Variants in NPAS2 observed in about 807,000 individuals in gnomAD.
NPAS2 encodes the protein neuronal PAS domain protein 2.
A neutral mutation model predicts 107.5 loss-of-function variants in NPAS2; 23 were observed. The observed-to-expected ratio is 0.21, with a 90% confidence interval of 0.15 to 0.30. NPAS2 has a LOEUF of 0.30. Ranked by LOEUF, NPAS2 falls within the 10% of genes least tolerant of loss-of-function variation. The pLI is 1.00. For missense variants in NPAS2, 756 were observed against 1,043.3 expected, an observed-to-expected ratio of 0.72 and a Z score of 3.79; for synonymous variants, 403 against 417.5, an observed-to-expected ratio of 0.97 and a Z score of 0.42.
chr2:100,835,898 A>G (rs138901189), intron 1 of NPAS2, among the ~76,000 whole-genome samples: 1 of 152,320 alleles, frequency 6.6e-6, no homozygotes, highest in African/African-American at 2.4e-5. Context: ...AGACCTCAGC[A>G]CTCAATGTAA....
At chr2:100,903,993 A>G (rs2104770519) in intron 1 of NPAS2, among the ~76,000 whole-genome samples, 1 of 152,238 alleles carries the variant, frequency 6.6e-6, no homozygotes, top group East Asian at 1.9e-4. Flanking sequence ...GGTGTTGAGG[A>G]AGAACATTCC....
chr2:100,970,137 A>C (rs1348898766), intron 11 of NPAS2, among the ~76,000 whole-genome samples: 3 of 152,204 alleles, frequency 2.0e-5, no homozygotes, highest in Non-Finnish European at 2.9e-5. Flanking sequence ...CTGGGCGTGC[A>C]GCAGCAGTGG....
At chr2:100,819,960 C>T (rs1160193277), upstream of NPAS2, among the ~76,000 whole-genome samples, 1 of 151,536 alleles carries the variant, frequency 6.6e-6, no homozygotes, top group East Asian at 2.0e-4. This position sits in a 1 kb window ranked among gnomAD's most constrained non-coding sequence, Gnocchi z 5.8. Context: ...CGTCTGCCTG[C>T]GGCGCGCGCG....
intron 1 of NPAS2, among the ~76,000 whole-genome samples, chr2:100,864,083 A>G (rs1020498201): frequency 5.9e-5 from 9 of 152,242 alleles, no homozygotes; most frequent in Admixed American, 5.9e-4. Flanking sequence ...GTGAGCTATC[A>G]GTAGCTAGAT....
intron 1 of NPAS2, among the ~76,000 whole-genome samples, chr2:100,880,978 G>A (rs192241038): frequency 2.6e-5 from 4 of 152,238 alleles, no homozygotes; most frequent in African/African-American, 4.8e-5. Flanking sequence ...AGTGCCTGTC[G>A]GGTGCTGCAC....
At chr2:100,852,123 A>G (rs57721238) in intron 1 of NPAS2, among the ~76,000 whole-genome samples, 22,295 of 152,064 alleles carry the variant, frequency 0.15, 1,918 homozygotes, top group South Asian at 0.23. Context: ...TTGGCCGGGC[A>G]CGGTGGCTCC....
rs1676380938 is a variant in NPAS2 at position 100,968,776 on chromosome 2, C to T, written c.1055+348C>T. ...TTCCCATCTCTATCCAGCCCACAGC[C>T]TTCCCTTGTTCCTGCTTTGAGTAGA... On this transcript the variant is annotated intron_variant, in intron 11 of 20. Transcript: ENST00000335681. This position sits in a 1 kb window ranked among gnomAD's most constrained non-coding sequence, Gnocchi z 5.3. Among the ~76,000 whole-genome samples the T allele has an allele frequency of 6.6e-6, 1 of 152,350 alleles. No individual in the cohort carries two copies. Among genetic ancestry groups the T allele is most frequent in the Middle Eastern group, 3.4e-3 (1 of 294 alleles).
chr2:100,877,474 GT>G (rs1680053256), intron 1 of NPAS2, among the ~76,000 whole-genome samples: 2 of 150,626 alleles, frequency 1.3e-5, no homozygotes, highest in African/African-American at 4.9e-5. Flanking sequence ...AAAAGAAATG[GT>G]TGAAATAAGA....
At chr2:100,857,592 T>TGAAG (rs1678658553) in intron 1 of NPAS2, among the ~76,000 whole-genome samples, 2 of 152,154 alleles carry the variant, frequency 1.3e-5, no homozygotes. Flanking sequence ...ACTAGATATG[T>TGAAG]GTTTCAGGGA....
At chr2:100,921,101 C>T (rs1051369621) in intron 2 of NPAS2, among the ~76,000 whole-genome samples, 21 of 152,300 alleles carry the variant, frequency 1.4e-4, no homozygotes, top group African/African-American at 3.9e-4. Flanking sequence ...ACACTGGGTC[C>T]GTAGGTCCAT....
intron 19 of NPAS2, among the ~76,000 whole-genome samples, chr2:100,992,878 C>G (rs1678214369): frequency 6.8e-6 from 1 of 147,378 alleles, no homozygotes; most frequent in Non-Finnish European, 1.5e-5. Context: ...CTGTGGGCTG[C>G]CTTTTCCCTC....
intron 5 of NPAS2, 45 bp from the exon 6 acceptor site, chr2:100,948,190 C>CA (rs1358774072): frequency 6.3e-7 from 1 of 1,591,704 alleles, no homozygotes; most frequent in Non-Finnish European, 8.5e-7. Flanking sequence ...TTCTGTTTTT[C>CA]ATCTTCGTTG....
At chr2:100,894,383 G>C (rs1273366627) in intron 1 of NPAS2, among the ~76,000 whole-genome samples, 2 of 152,272 alleles carry the variant, frequency 1.3e-5, no homozygotes, top group Admixed American at 6.5e-5. Context: ...AGCGGCTCAG[G>C]GTCAGTGATA....
At chr2:100,923,044 A>G (rs1683335726) in intron 2 of NPAS2, among the ~76,000 whole-genome samples, 1 of 152,226 alleles carries the variant, frequency 6.6e-6, no homozygotes. Flanking sequence ...TTTATAATGC[A>G]TAGACATTCA....
intron 3 of NPAS2, among the ~76,000 whole-genome samples, chr2:100,925,970 A>G (rs934543088): frequency 1.1e-4 from 16 of 152,164 alleles, no homozygotes; most frequent in Non-Finnish European, 2.9e-5. Flanking sequence ...GATCCTGGCA[A>G]CCACGAATCT....
chr2:100,969,475 T>C (rs1396464156), intron 11 of NPAS2, among the ~76,000 whole-genome samples: 1 of 152,182 alleles, frequency 6.6e-6, no homozygotes, highest in African/African-American at 2.4e-5. Context: ...GTTCCTGTGT[T>C]AGTTTGCTGA....
intron 1 of NPAS2, among the ~76,000 whole-genome samples, chr2:100,846,077 G>C (rs1174834242): frequency 6.6e-6 from 1 of 152,024 alleles, no homozygotes; most frequent in Non-Finnish European, 1.5e-5. Context: ...TGGCCATGTG[G>C]GCCAGCCCTC....
intron 2 of NPAS2, among the ~76,000 whole-genome samples, chr2:100,921,592 A>G (rs1246169363): frequency 6.6e-6 from 1 of 152,208 alleles, no homozygotes; most frequent in Non-Finnish European, 1.5e-5. Context: ...AAACAGCCCA[A>G]CTGGAAAATA....
Position 100,906,985 on chromosome 2 carries a change from G to T in NPAS2, c.32+2199G>T, listed in dbSNP as rs72973631. ...TATTCTTATCCCCAGACCACAAGAG[G>T]CTTTTCATATAAGACCAAACTCAAT... On this transcript the variant is annotated intron_variant, in intron 2 of 20. Coordinates refer to ENST00000335681, the MANE Select transcript of NPAS2 (RefSeq NM_002518.4). Among the ~76,000 whole-genome samples the T allele has an allele frequency of 8.9e-3, 1,348 of 152,196 alleles. 21 individuals are homozygous for T. The highest frequency in any genetic ancestry group is 0.031 in the African/African-American group (1,267 of 41,508).
Sources: allele counts gnomAD v4.1 joint callset (sites outside exome capture counted in the v4.1 genomes callset), GRCh38; gene constraint gnomAD v4.1.1; non-coding constraint Gnocchi (gnomAD v3.1); transcripts MANE v1.5; gene names NCBI Gene and HGNC (gene_info 2026-07-23, HGNC 2026-07-21).